Variants in CEP44 observed in about 807,000 individuals in gnomAD.
CEP44 encodes the protein centrosomal protein of 44 kDa.
Under a neutral mutation model 46.7 loss-of-function variants are expected in CEP44, and 45 were observed. The ratio of observed to expected loss-of-function variants is 0.96; its 90% CI spans 0.76 to 1.24. The LOEUF is 1.24. CEP44 is among the 50% of genes most tolerant of loss of function. The pLI, the probability that CEP44 is intolerant of heterozygous loss-of-function variation, is 0.00. For missense variants in CEP44, 475 were observed against 459.7 expected, an observed-to-expected ratio of 1.03 and a Z score of -0.30; for synonymous variants, 142 against 146.0, an observed-to-expected ratio of 0.97 and a Z score of 0.20.
chr4:174,330,006 T>C (rs773905748), intron 8 of CEP44, among the ~76,000 whole-genome samples: 10 of 152,204 alleles, frequency 6.6e-5, no homozygotes, highest in Non-Finnish European at 5.9e-5. Context: ...ATTCAGAATA[T>C]GTTCTGAATT....
At position 174,331,294 on chromosome 4, in the gene CEP44, T is replaced by A. The variant is rs907373740; in HGVS notation, c.1087-188T>A. Among the ~76,000 whole-genome samples the A allele has an allele frequency of 1.3e-5, 2 of 152,096 alleles. No homozygotes were observed. Among genetic ancestry groups the A allele is most frequent in the Non-Finnish European group, 2.9e-5 (2 of 68,008 alleles). On this transcript the variant is annotated intron_variant, in intron 8 of 8. Coordinates refer to the CEP44 transcript ENST00000426172. The surrounding 1 kb of genome is among the most constrained non-coding windows in gnomAD (Gnocchi z 4.5). Reference sequence around the variant, plus strand: ...GTTTATTCTGGTATCTAACAACATATTTCTAAATAATATGATTGTCATTTC... The same window carrying A: ...GTTTATTCTGGTATCTAACAACATAATTCTAAATAATATGATTGTCATTTC...
exon 9 of CEP44, chr4:174,333,132 A>G (rs1731391019): frequency 6.6e-6 from 1 of 151,866 alleles, no homozygotes; most frequent in Non-Finnish European, 1.5e-5. Context: ...ACTTTTTGTA[A>G]TTTTTAATAG....
chr4:174,295,941 C>T (rs543531089), intron 1 of CEP44, among the ~76,000 whole-genome samples: 84 of 152,162 alleles, frequency 5.5e-4, no homozygotes, highest in Non-Finnish European at 1.1e-3. Context: ...TTTCTACGTC[C>T]GTTGATAATA....
In CEP44 at chr4:174,310,048, T is replaced by C. The variant is rs1228668220; in HGVS notation, c.877T>C (p.Ser293Pro). The C allele has an allele frequency of 6.2e-7, 1 of 1,609,796 alleles. No individual in the cohort carries two copies. Among genetic ancestry groups the C allele is most frequent in the East Asian group, 2.2e-5 (1 of 44,726 alleles). Residue 293 changes from serine to proline, a missense_variant, in exon 8 of 12, where the codon TCT becomes CCT. Physicochemically the swap from Ser to Pro is moderately conservative, Grantham distance 74. Coordinates refer to ENST00000503780, the MANE Select transcript of CEP44 (RefSeq NM_001040157.3). The surrounding 1 kb of genome is among the most constrained non-coding windows in gnomAD (Gnocchi z 4.2). ...VTLLETEMLL[S>P]KKNDEFIEFN... ...TCTTCTTGAAACAGAAATGCTTTTG[T>C]CTAAAAAGGTATTTTCCTCCTTTAA...
chr4:174,317,942 A>G lies in CEP44; in HGVS notation c.*559A>G. On this transcript the variant is annotated 3_prime_UTR_variant, in exon 12 of 12. Transcript: ENST00000503780. ...TTAACACTGAGAAATTAAGGTTAAG[A>G]TTCTCCTTTTGTACTGGGAAACAGG... is the stretch of plus-strand genomic sequence containing the variant. 1.9e-5 allele frequency: 19 copies of G among 985,422 alleles called. No individual in the cohort carries two copies. The highest frequency in any genetic ancestry group is 2.3e-5 in the Non-Finnish European group (19 of 829,900). The allele number at this position is 985,422 out of a possible 1,614,324, so 61.0% of individuals were successfully genotyped here.
At chr4:174,292,860 C>T (rs1738395685) in intron 1 of CEP44, among the ~76,000 whole-genome samples, 1 of 152,156 alleles carries the variant, frequency 6.6e-6, no homozygotes, top group Non-Finnish European at 1.5e-5. Context: ...AATTCTTTGT[C>T]AAGCAGATCA....
rs1274650180 is a variant in CEP44 at position 174,331,767 on chromosome 4, CACTT to C, written c.*174_*177del. ...TTTTTCCTTCCTGCTACATGGGTAA[CACTT>C]AGTTGTTTGTCTAATTTCTATTTTC... On this transcript the variant is annotated 3_prime_UTR_variant, in exon 9 of 9. Transcript: ENST00000426172. The surrounding 1 kb of genome is among the most constrained non-coding windows in gnomAD (Gnocchi z 4.5). 4.0e-6 allele frequency: 3 copies of C among 743,850 alleles called. No homozygotes were observed. Among genetic ancestry groups the C allele is most frequent in the Non-Finnish European group, 3.9e-6 (2 of 514,954 alleles). 46.1% of individuals were successfully genotyped at this position (743,850 alleles called of 1,614,324 possible).
intron 11 of CEP44, 46 bp from the exon 12 acceptor site, chr4:174,317,289 A>G (rs1741843394): frequency 1.3e-6 from 1 of 775,578 alleles, no homozygotes; most frequent in South Asian, 3.3e-5. Context: ...GCTATGCTTT[A>G]TTATGAATTA....
Position 174,326,596 on chromosome 4 carries a change from C to T in CEP44, c.1087-4886C>T, listed in dbSNP as rs116151110. 7.7e-4 allele frequency among the ~76,000 whole-genome samples: 117 copies of T among 152,002 alleles called. 1 individual carries two copies. Among genetic ancestry groups the T allele is most frequent in the African/African-American group, 2.6e-3 (109 of 41,506 alleles). On this transcript the variant is annotated intron_variant, in intron 8 of 8. Transcript: ENST00000426172. The surrounding 1 kb of genome is among the most constrained non-coding windows in gnomAD (Gnocchi z 4.8). ...GCCAACCTATTTACCATTTCCAGTGCTATTTATTCTTTCATGTAGATCCAC... is the reference window on the plus strand; with the variant it reads ...GCCAACCTATTTACCATTTCCAGTGTTATTTATTCTTTCATGTAGATCCAC...
At chr4:174,296,815 G>A (rs939329501) in intron 1 of CEP44, among the ~76,000 whole-genome samples, 2 of 133,586 alleles carry the variant, frequency 1.5e-5, no homozygotes, top group African/African-American at 5.7e-5. Context: ...ATAGAGGAGT[G>A]TTGAAGTCTC....
At chr4:174,295,744 G>A (rs970640405) in intron 1 of CEP44, among the ~76,000 whole-genome samples, 16 of 152,234 alleles carry the variant, frequency 1.1e-4, no homozygotes, top group African/African-American at 3.6e-4. Flanking sequence ...CCGGCACCTC[G>A]GGAGGCCGAG....
At chr4:174,298,330 T>C (rs562678103) in intron 2 of CEP44, among the ~76,000 whole-genome samples, 139 of 151,208 alleles carry the variant, frequency 9.2e-4, no homozygotes, top group African/African-American at 3.1e-3. Flanking sequence ...CGCCTGCCAC[T>C]ACGCCCGGCT....
intron 3 of CEP44, 142 bp downstream of exon 3, chr4:174,299,352 AAGC>A (rs1237777826): frequency 1.5e-5 from 9 of 596,312 alleles, no homozygotes; most frequent in Non-Finnish European, 2.5e-5. Flanking sequence ...ATATTTGAGA[AAGC>A]AGGGAATTAT....
rs1737768371 is a variant in CEP44 at position 174,288,124 on chromosome 4, G to T, written c.-148+4181G>T. On this transcript the variant is annotated intron_variant, in intron 1 of 11. Coordinates refer to ENST00000503780, the MANE Select transcript of CEP44 (RefSeq NM_001040157.3). The surrounding 1 kb of genome is among the most constrained non-coding windows in gnomAD (Gnocchi z 4.6). ...TGCTTCATTTTTTAACCTGTTTATT[G>T]CGGTATGATTGACATACAGAAAGCT... 1.3e-5 allele frequency among the ~76,000 whole-genome samples: 2 copies of T among 152,128 alleles called. No homozygotes were observed. Among genetic ancestry groups the T allele is most frequent in the Non-Finnish European group, 2.9e-5 (2 of 68,026 alleles).
rs920234855 is a variant in CEP44, at chr4:174,290,079, C to T, written c.-148+6136C>T. The stretch of plus-strand genomic sequence containing the variant: ...CCATGTTAGCCAGGATGGTCTCAAT[C>T]TCTTGACCTAGTGACCCGCCTGCCT... On this transcript the variant is annotated intron_variant, in intron 1 of 11. Coordinates refer to ENST00000503780, the MANE Select transcript of CEP44 (RefSeq NM_001040157.3). This position sits in a 1 kb window ranked among gnomAD's most constrained non-coding sequence, Gnocchi z 4.3. Among the ~76,000 whole-genome samples, 6 of 152,130 alleles carry T rather than the reference C, an allele frequency of 3.9e-5. No individual in the cohort carries two copies. The highest frequency in any genetic ancestry group is 5.9e-5 in the Non-Finnish European group (4 of 68,036).
rs1741984651 is a variant in CEP44, at chr4:174,318,504, T to C, written c.*1121T>C. 1 of 184,852 alleles carries C rather than the reference T, an allele frequency of 5.4e-6. No individual in the cohort carries two copies. Among genetic ancestry groups the C allele is most frequent in the East Asian group, 1.7e-4 (1 of 5,950 alleles). The allele number at this position is 184,852 out of a possible 1,614,324, so 11.5% of individuals were successfully genotyped here. On this transcript the variant is annotated 3_prime_UTR_variant, in exon 12 of 12. Transcript: ENST00000503780. ...GAAAAATGAAATTTATTTTTAATAT[T>C]ACTACTATATGAATTATCTTTTTTT...
intron 8 of CEP44, among the ~76,000 whole-genome samples, chr4:174,330,714 C>A (rs1013072852): frequency 8.1e-6 from 1 of 124,022 alleles, no homozygotes; most frequent in African/African-American, 2.9e-5. Flanking sequence ...TAAAAAGAAG[C>A]ATTTCAAAAC....
intron 9 of CEP44, among the ~76,000 whole-genome samples, chr4:174,315,814 C>G (rs1741619965): frequency 6.9e-6 from 1 of 144,490 alleles, no homozygotes; most frequent in Admixed American, 7.1e-5. Context: ...GCACTCCTGC[C>G]TGGGCGACAG....
At chr4:174,308,907 A>T in intron 7 of CEP44, 48 bp downstream of exon 7, 1 of 1,486,046 alleles carries the variant, frequency 6.7e-7, no homozygotes, top group Non-Finnish European at 9.3e-7. Context: ...TTTTACTTAA[A>T]TATGTGTAAT....
Sources: gnomAD v4.1 joint callset for allele counts (sites outside exome capture counted in the v4.1 genomes callset) on GRCh38, gnomAD v4.1.1 for gene constraint, Gnocchi (gnomAD v3.1) non-coding constraint, MANE v1.5 for transcripts, NCBI Gene and HGNC (gene_info 2026-07-23, HGNC 2026-07-21) for gene names.